CCNL2: variants seen among roughly 807,000 people sequenced by gnomAD.
CCNL2 encodes the protein cyclin L2.
Under a neutral mutation model 59.1 loss-of-function variants are expected in CCNL2, and 28 were observed. The observed-to-expected ratio is 0.47, with a 90% CI of 0.35 to 0.65. The LOEUF (loss-of-function observed/expected upper bound fraction) is 0.65. Ranked by LOEUF, CCNL2 falls within the 30% of genes least tolerant of loss-of-function variation. The probability of loss-of-function intolerance (pLI) is 0.00; values close to 1 mark genes in which losing one functional copy is unlikely to be tolerated. For synonymous variants in CCNL2, 342 were observed against 288.6 expected (o/e 1.19, Z -1.88); for missense variants, 714 against 717.4 (o/e 1.00, Z 0.05).
chr1:1,397,057 T>C (rs1209659271), intron 3 of CCNL2, among the ~76,000 whole-genome samples: 3 of 152,018 alleles, frequency 2.0e-5, no homozygotes, highest in Non-Finnish European at 4.4e-5. Context: ...AATTTTTGTG[T>C]TCTTAATAGG....
In CCNL2 at chr1:1,387,906, T is replaced by G. The variant is rs752698205; in HGVS notation, c.1119-37A>C. On this transcript the variant is annotated intron_variant, in intron 9 of 10. Coordinates refer to ENST00000400809, the MANE Select transcript of CCNL2 (RefSeq NM_030937.6). The stretch of plus-strand genomic sequence containing the variant: ...ACAGGAGCCAGTTACAAAGCAGAAG[T>G]CCCTCCAGCCAACCCTGACAGCCAC... 2.5e-6 allele frequency: 4 copies of G among 1,613,468 alleles called. No individual in the cohort carries two copies. In the East Asian group the frequency reaches 6.7e-5, roughly 27 times the overall value.
intron 4 of CCNL2, among the ~76,000 whole-genome samples, chr1:1,394,829 TGGGAGGATCACGA>T (rs1248642197): frequency 7.0e-6 from 1 of 142,014 alleles, no homozygotes; most frequent in African/African-American, 2.7e-5. Context: ...GAGGCCAAGG[TGGGAGGATCACGA>T]GGGCAAGAGA....
intron 4 of CCNL2, among the ~76,000 whole-genome samples, chr1:1,394,072 C>G (rs1644883942): frequency 1.3e-5 from 2 of 151,132 alleles, no homozygotes; most frequent in South Asian, 4.2e-4. Flanking sequence ...GCTGCATGAG[C>G]TGAGGTTGCG....
At chr1:1,394,392 G>A (rs1644904950) in intron 4 of CCNL2, among the ~76,000 whole-genome samples, 1 of 152,062 alleles carries the variant, frequency 6.6e-6, no homozygotes, top group Non-Finnish European at 1.5e-5. Context: ...AGACTAAAGG[G>A]GCCAGAATTC....
rs777748622 is a variant in CCNL2 at position 1,387,529 on chromosome 1, C to T, written c.1265G>A (p.Arg422Gln). Residue 422 changes from arginine to glutamine, a missense_variant, in exon 11 of 11, where the codon CGG becomes CAG. By Grantham distance (43) the Arg-to-Gln change is conservative. Around this residue, in one of 5 missense-constraint regions of CCNL2, gnomAD observed 403 missense variants for 377.7 expected, o/e 1.07. Transcript: ENST00000400809. ...TCTCGGTGGGGAGTCACTCCTGCTCCGGGAGCGGCTCTGCGACTTGGACCC... is the reference window on the plus strand; with the variant it reads ...TCTCGGTGGGGAGTCACTCCTGCTCTGGGAGCGGCTCTGCGACTTGGACCC... The part of the protein sequence containing the change: ...SGGSKSQSRS[R>Q]SRSDSPPRQA... 4 of 1,547,970 alleles carry T rather than the reference C, an allele frequency of 2.6e-6. No individual in the cohort carries two copies. The highest frequency in any genetic ancestry group is 2.3e-5 in the East Asian group (1 of 44,146).
chr1:1,387,172 G>A lies in CCNL2; in HGVS notation c.*59C>T, dbSNP rs1644493486. On this transcript the variant is annotated 3_prime_UTR_variant, in exon 11 of 11. Transcript: ENST00000400809. ...AAGGGCAGCCACCGGGGGTCAAAGGGCAGCCATCAGGTACTCCCCAGGGAA... is the reference window on the plus strand; with the variant it reads ...AAGGGCAGCCACCGGGGGTCAAAGGACAGCCATCAGGTACTCCCCAGGGAA... The A allele has an allele frequency of 2.1e-6, 3 of 1,425,854 alleles. No individual in the cohort carries two copies. The highest frequency in any genetic ancestry group is 2.3e-5 in the East Asian group (1 of 43,692). 88.3% of individuals were successfully genotyped at this position (1,425,854 alleles called of 1,614,324 possible).
chr1:1,395,935 T>A (rs1467708055), intron 3 of CCNL2, among the ~76,000 whole-genome samples: 1 of 152,096 alleles, frequency 6.6e-6, no homozygotes, highest in Non-Finnish European at 1.5e-5. Flanking sequence ...CCCAGCACTT[T>A]GGGAGGCGAG....
intron 2 of CCNL2, 27 bp from the exon 3 acceptor site, chr1:1,398,369 CATGT>C (rs1645166341): frequency 1.9e-6 from 3 of 1,613,512 alleles, no homozygotes; most frequent in African/African-American, 1.3e-5. Context: ...GCAACACGCC[CATGT>C]TTGTCCCCAG....
intron 5 of CCNL2, 112 bp downstream of exon 5, chr1:1,393,284 C>T (rs2100313553): frequency 1.2e-6 from 1 of 864,532 alleles, no homozygotes; most frequent in Non-Finnish European, 1.9e-6. Context: ...ACTCGGACAA[C>T]TCCAGCCCAC....
chr1:1,398,974 G>A (rs934424919), intron 1 of CCNL2, 45 bp downstream of exon 1: 43 of 1,532,250 alleles, frequency 2.8e-5, no homozygotes, highest in Non-Finnish European at 3.7e-5. Context: ...GGCGGCTGCC[G>A]CCCCAGCGGT....
Position 1,390,520 on chromosome 1 carries a change from G to A in CCNL2, c.803C>T (p.Ala268Val). The change falls in exon 7 of 11, where the codon GCA becomes GTA. Residue 268 changes from alanine to valine, a missense_variant. This residue lies in a region of CCNL2 where 403 missense variants were observed against 377.7 expected (regional missense o/e 1.07). Coordinates refer to ENST00000400809, the MANE Select transcript of CCNL2 (RefSeq NM_030937.6). ...GATTTCCTGAATTTCTTCTTCAGTT[G>A]CTCCAAACAAAAGAAACCAATGGGG... ...NRPHWFLLFG[A>V]TEEEIQEICL... 6.2e-7 allele frequency: 1 copy of A among 1,613,844 alleles called. No individual in the cohort carries two copies. Among genetic ancestry groups the A allele is most frequent in the East Asian group, 2.2e-5 (1 of 44,888 alleles).
intron 5 of CCNL2, chr1:1,392,306 G>C: frequency 1.0e-6 from 1 of 975,582 alleles, no homozygotes; most frequent in Non-Finnish European, 1.2e-6. Context: ...ACTTATTGCT[G>C]TATTTGAAGT....
intron 3 of CCNL2, 66 bp from the exon 4 acceptor site, chr1:1,395,580 G>C (rs766475642): frequency 6.3e-7 from 1 of 1,597,588 alleles, no homozygotes; most frequent in Non-Finnish European, 8.5e-7. Flanking sequence ...AGATCCCGTC[G>C]TTACCTCCAA....
At chr1:1,392,766 AGAG>A (rs749748831) in intron 5 of CCNL2, 12 of 1,611,226 alleles carry the variant, frequency 7.4e-6, no homozygotes, top group East Asian at 2.2e-5. Flanking sequence ...CTTGGACAGC[AGAG>A]GAGAAGTCTT....
chr1:1,388,885 G>C (rs1229257900), intron 8 of CCNL2: 1 of 296,948 alleles, frequency 3.4e-6, no homozygotes. Context: ...AGACCAGTCT[G>C]ACCAAAATGG....
At chr1:1,394,310 G>A (rs532235532) in intron 4 of CCNL2, among the ~76,000 whole-genome samples, 4 of 152,136 alleles carry the variant, frequency 2.6e-5, no homozygotes, top group Non-Finnish European at 5.9e-5. Flanking sequence ...CACCCACAAC[G>A]CTGGGAGTGA....
chr1:1,390,996 G>C lies in CCNL2; in HGVS notation c.660-131C>G, dbSNP rs1006027391. 4.2e-5 allele frequency: 38 copies of C among 894,164 alleles called. 1 individual carries two copies. The Admixed American group carries it at 4.8e-4, about 11-fold the overall frequency. 55.4% of individuals were successfully genotyped at this position (894,164 alleles called of 1,614,324 possible). ...AGTCTATTGCTAGGACTCAGAGCTAGACAGTCCTGTGAATCTCAAGAGTTA... is the reference window on the plus strand; with the variant it reads ...AGTCTATTGCTAGGACTCAGAGCTACACAGTCCTGTGAATCTCAAGAGTTA... On this transcript the variant is annotated intron_variant, in intron 5 of 10. Transcript: ENST00000400809.
At chr1:1,391,204 C>A in intron 5 of CCNL2, 1 of 1,118,116 alleles carries the variant, frequency 8.9e-7, no homozygotes, top group Non-Finnish European at 1.1e-6. Flanking sequence ...AGCACGATGC[C>A]TCAGAAAGAA....
Position 1,399,335 on chromosome 1 carries a change from T to C in CCNL2, c.-29A>G. 3 of 1,428,120 alleles carry C rather than the reference T, an allele frequency of 2.1e-6. No individual in the cohort carries two copies. The highest frequency in any genetic ancestry group is 2.7e-6 in the Non-Finnish European group (3 of 1,100,978). 88.5% of individuals were successfully genotyped at this position (1,428,120 alleles called of 1,614,324 possible). A position where few individuals can be genotyped will look rare whatever the true frequency, so the allele number is the denominator to read the frequency against. On this transcript the variant is annotated 5_prime_UTR_variant, in exon 1 of 11. Transcript: ENST00000400809. ...GTGCCGCCGACTCCCCTTCGGCTTCTTCCCTCAGGGCGGCTCCTCGCGAAG... is the reference window on the plus strand; with the variant it reads ...GTGCCGCCGACTCCCCTTCGGCTTCCTCCCTCAGGGCGGCTCCTCGCGAAG...
Sources: gnomAD v4.1 joint callset for allele counts (sites outside exome capture counted in the v4.1 genomes callset) on GRCh38, gnomAD v4.1.1 for gene constraint, gnomAD v4.1.1 regional missense constraint, MANE v1.5 for transcripts, NCBI Gene and HGNC (gene_info 2026-07-23, HGNC 2026-07-21) for gene names.